The following ODAD2 variants were observed in gnomAD, a reference collection of about 807,000 sequenced individuals.
The protein encoded by ODAD2 is outer dynein arm docking complex subunit 2, also known as outer dynein arm-docking complex subunit 2.
In ODAD2, 89 loss-of-function variants were observed where a neutral mutation model predicts 106.8. The observed-to-expected ratio is 0.83, with a 90% CI of 0.70 to 0.99. The LOEUF (loss-of-function observed/expected upper bound fraction) is 0.99, where lower values mean the gene tolerates loss of function less well. Ranked by LOEUF, ODAD2 falls within the 50% of genes least tolerant of loss-of-function variation. The probability of loss-of-function intolerance (pLI) is 0.00; values close to 1 mark genes in which losing one functional copy is unlikely to be tolerated. For missense variants in ODAD2, 1,168 were observed against 1,238.5 expected, an observed-to-expected ratio of 0.94 and a Z score of 0.85; for synonymous variants, 404 against 436.2, an observed-to-expected ratio of 0.93 and a Z score of 0.92.
At chr10:27,834,676 T>C (rs530203316) in intron 19 of ODAD2, among the ~76,000 whole-genome samples, 66 of 152,304 alleles carry the variant, frequency 4.3e-4, no homozygotes, top group Admixed American at 4.1e-3. Context: ...GCCATGCTAG[T>C]GTTTTCAAAA....
chr10:27,933,122 G>C (rs1363791429), intron 16 of ODAD2, among the ~76,000 whole-genome samples: 1 of 151,916 alleles, frequency 6.6e-6, no homozygotes, highest in Non-Finnish European at 1.5e-5. Context: ...AGAGGGCATG[G>C]TGATATAGTC....
chr10:27,893,152 C>T lies in ODAD2; in HGVS notation c.2610+14511G>A, dbSNP rs377199710. ...CCAACCTGGGCGACAGAGCCAGACTCCTTCTCAAAAAAAAAGAAGAAGAAA... is the reference window on the plus strand; with the variant it reads ...CCAACCTGGGCGACAGAGCCAGACTTCTTCTCAAAAAAAAAGAAGAAGAAA... On this transcript the variant is annotated intron_variant, in intron 17 of 19. Coordinates refer to ENST00000305242, the MANE Select transcript of ODAD2 (RefSeq NM_018076.5). Among the ~76,000 whole-genome samples the T allele has an allele frequency of 1.3e-4, 20 of 150,884 alleles. No individual in the cohort carries two copies. In the East Asian group the frequency reaches 2.5e-3, roughly 19 times the overall value.
At chr10:27,993,862 T>C (rs1850376036) in intron 2 of ODAD2, among the ~76,000 whole-genome samples, 1 of 152,042 alleles carries the variant, frequency 6.6e-6, no homozygotes. Flanking sequence ...GGAACTGTTT[T>C]TATATGATCA....
At chr10:27,982,689 C>A (rs904554046) in intron 6 of ODAD2, among the ~76,000 whole-genome samples, 2 of 152,110 alleles carry the variant, frequency 1.3e-5, no homozygotes, top group African/African-American at 4.8e-5. Context: ...TCCAGGCAGT[C>A]CCCCGTGATG....
chr10:27,970,937 A>G (rs1429584466), intron 8 of ODAD2, among the ~76,000 whole-genome samples, 171 bp downstream of exon 8: 1 of 152,058 alleles, frequency 6.6e-6, no homozygotes, highest in Non-Finnish European at 1.5e-5. Context: ...GCACCACTGC[A>G]CTCCTGCCTG....
rs1846152663 is a variant in ODAD2, at chr10:27,938,492, T to A, written c.2097+1405A>T. On this transcript the variant is annotated intron_variant, in intron 14 of 19. Coordinates refer to ENST00000305242, the MANE Select transcript of ODAD2 (RefSeq NM_018076.5). The stretch of plus-strand genomic sequence containing the variant: ...GCCTCTGGGGCTGCAAGGAAATAAA[T>A]TTCGGCTGTTCAAGCCACCCAGTCT... Among the ~76,000 whole-genome samples the A allele has an allele frequency of 2.0e-5, 3 of 152,228 alleles. No homozygotes were observed. The South Asian group carries it at 6.2e-4, about 32-fold the overall frequency.
At chr10:27,877,669 G>A (rs1841436004) in intron 17 of ODAD2, among the ~76,000 whole-genome samples, 1 of 152,114 alleles carries the variant, frequency 6.6e-6, no homozygotes, top group South Asian at 2.1e-4. Context: ...CTGAACGACT[G>A]GGCAAATTCA....
intron 18 of ODAD2, 100 bp downstream of exon 18, chr10:27,862,334 C>T (rs778461659): frequency 9.5e-6 from 9 of 944,698 alleles, no homozygotes; most frequent in Non-Finnish European, 1.4e-5. Context: ...GGGTATTAAA[C>T]TTGAATCCAG....
intron 10 of ODAD2, among the ~76,000 whole-genome samples, chr10:27,956,699 T>A (rs1250281724): frequency 6.6e-6 from 1 of 152,228 alleles, no homozygotes; most frequent in Non-Finnish European, 1.5e-5. Context: ...ATTTACTGCC[T>A]ATAGGGTTAA....
At chr10:27,919,852 C>T (rs1844648720) in intron 16 of ODAD2, among the ~76,000 whole-genome samples, 1 of 152,094 alleles carries the variant, frequency 6.6e-6, no homozygotes, top group Admixed American at 6.6e-5. Context: ...GGATGAAGGA[C>T]ATGTTTTATA....
intron 10 of ODAD2, among the ~76,000 whole-genome samples, chr10:27,949,779 G>T (rs915329050): frequency 6.6e-6 from 1 of 152,186 alleles, no homozygotes; most frequent in African/African-American, 2.4e-5. Context: ...GATGGATGCA[G>T]TCAGGTTACT....
chr10:27,981,737 C>T (rs2133100373), intron 6 of ODAD2, 155 bp from the exon 7 acceptor site: 1 of 531,078 alleles, frequency 1.9e-6, no homozygotes, highest in South Asian at 2.8e-5. Flanking sequence ...AAATCCTTCC[C>T]CCTTAATTTA....
intron 9 of ODAD2, among the ~76,000 whole-genome samples, chr10:27,965,237 T>C (rs1340818578): frequency 6.6e-6 from 1 of 152,166 alleles, no homozygotes; most frequent in Non-Finnish European, 1.5e-5. Flanking sequence ...GGAGGTCTAA[T>C]CTGAAGAGTA....
At chr10:27,921,431 T>A (rs73604101) in intron 16 of ODAD2, among the ~76,000 whole-genome samples, 2 of 152,112 alleles carry the variant, frequency 1.3e-5, no homozygotes, top group African/African-American at 4.8e-5. Flanking sequence ...ATTAGACTTT[T>A]AGTATGTTTT....
At chr10:27,845,259 C>T (rs1021599072) in intron 19 of ODAD2, among the ~76,000 whole-genome samples, 16 of 152,246 alleles carry the variant, frequency 1.1e-4, no homozygotes, top group South Asian at 6.2e-4. Flanking sequence ...AGAGTGGGGG[C>T]TGATATTCAA....
At chr10:27,875,249 C>T (rs1213877701) in intron 17 of ODAD2, among the ~76,000 whole-genome samples, 1 of 152,132 alleles carries the variant, frequency 6.6e-6, no homozygotes, top group Non-Finnish European at 1.5e-5. Flanking sequence ...TCTAGTTAGC[C>T]CTTCATCTAA....
At chr10:27,844,674 T>C (rs928658553) in intron 19 of ODAD2, among the ~76,000 whole-genome samples, 1 of 152,176 alleles carries the variant, frequency 6.6e-6, no homozygotes, top group Non-Finnish European at 1.5e-5. Context: ...ATGGAGAAGA[T>C]TGAATAAAAG....
intron 9 of ODAD2, among the ~76,000 whole-genome samples, chr10:27,962,728 C>A (rs1848222126): frequency 1.3e-5 from 2 of 152,070 alleles, no homozygotes; most frequent in African/African-American, 2.4e-5. Context: ...CTGCAGAGGT[C>A]CCTCATGCAC....
rs569603147 is a variant in ODAD2, at chr10:27,884,227, A to G, written c.2611-21605T>C. On this transcript the variant is annotated intron_variant, in intron 17 of 19. Coordinates refer to ENST00000305242, the MANE Select transcript of ODAD2 (RefSeq NM_018076.5). ...AGCTCAACAGCTGACTTTTCATCAG[A>G]AAGTGTAGAGATGTTACCAAGATGG... is the stretch of plus-strand genomic sequence containing the variant. 2.8e-4 allele frequency among the ~76,000 whole-genome samples: 43 copies of G among 152,272 alleles called. 1 individual carries two copies. The South Asian group carries it at 7.7e-3, about 27-fold the overall frequency.
Sources: gnomAD v4.1 joint callset for allele counts (sites outside exome capture counted in the v4.1 genomes callset) on GRCh38, gnomAD v4.1.1 for gene constraint, MANE v1.5 for transcripts, NCBI Gene and HGNC (gene_info 2026-07-23, HGNC 2026-07-21) for gene names.